SLC8A3: variants seen among roughly 807,000 people sequenced by gnomAD.
The protein encoded by SLC8A3 is sodium/calcium exchanger 3.
SLC8A3 carries 37 observed loss-of-function variants against 65.4 expected under a neutral mutation model. The ratio of observed to expected loss-of-function variants is 0.57; its 90% CI spans 0.44 to 0.74. SLC8A3 has a LOEUF of 0.74. Among genes scored for constraint, SLC8A3 ranks in the 30% least tolerant of loss-of-function variants. The probability of loss-of-function intolerance (pLI) is 0.00; values close to 1 mark genes in which losing one functional copy is unlikely to be tolerated. For synonymous variants in SLC8A3, 461 were observed against 444.5 expected (o/e 1.04, Z -0.47); for missense variants, 1,112 against 1,172.1 (o/e 0.95, Z 0.75).
intron 2 of SLC8A3, among the ~76,000 whole-genome samples, chr14:70,134,732 G>A (rs56266899): frequency 0.12 from 17,615 of 152,054 alleles, 1,222 homozygotes; most frequent in Non-Finnish European, 0.16. Context: ...TCTTCACACA[G>A]CGGTCTTTAA....
rs780891346 is a variant in SLC8A3, at chr14:70,166,839, A to G, written c.1584T>C (p.His528=). Residue 528 remains histidine, a synonymous_variant, in exon 2 of 7, where the codon CAT becomes CAC. Coordinates refer to ENST00000356921, the MANE Select transcript of SLC8A3 (RefSeq NM_182932.3). ...CACATTCAAAAGTGAAGATGCCTGC[A>G]TGGTCATCATCCAAGATGGTAACTG... is the stretch of plus-strand genomic sequence containing the variant. The part of the protein sequence containing the change: ...VATVTILDDD[H]AGIFTFECDT... 2.5e-6 allele frequency: 4 copies of G among 1,614,138 alleles called. No individual in the cohort carries two copies. The Admixed American group carries it at 5.0e-5, about 20-fold the overall frequency.
intron 2 of SLC8A3, among the ~76,000 whole-genome samples, chr14:70,064,643 A>G (rs947899754): frequency 2.0e-5 from 3 of 152,150 alleles, no homozygotes; most frequent in African/African-American, 7.2e-5. Flanking sequence ...ACTATCTCCA[A>G]ACAGGCTTCT....
intron 2 of SLC8A3, among the ~76,000 whole-genome samples, chr14:70,100,912 A>C (rs1892511196): frequency 6.6e-6 from 1 of 152,244 alleles, no homozygotes; most frequent in African/African-American, 2.4e-5. Context: ...GATAATATTC[A>C]CAATCTTCCT....
intron 2 of SLC8A3, among the ~76,000 whole-genome samples, chr14:70,117,377 G>A (rs944282661): frequency 4.6e-5 from 7 of 152,178 alleles, no homozygotes; most frequent in African/African-American, 1.7e-4. Flanking sequence ...TGTGTGACTG[G>A]CATTGTGTTC....
At chr14:70,161,320 T>TAAAAAAA (rs1555383102) in intron 2 of SLC8A3, among the ~76,000 whole-genome samples, 1 of 75,872 alleles carries the variant, frequency 1.3e-5, no homozygotes, top group Non-Finnish European at 2.9e-5. Context: ...AAAAAAAAAG[T>TAAAAAAA]CTACATAGCC....
At chr14:70,161,481 T>A (rs1380334621) in intron 2 of SLC8A3, among the ~76,000 whole-genome samples, 1 of 151,866 alleles carries the variant, frequency 6.6e-6, no homozygotes, top group Non-Finnish European at 1.5e-5. Context: ...AGTACACAGC[T>A]CCACTGAGGA....
chr14:70,071,082 C>T (rs1889967168), intron 2 of SLC8A3, among the ~76,000 whole-genome samples: 1 of 152,130 alleles, frequency 6.6e-6, no homozygotes, highest in Admixed American at 6.5e-5. Context: ...GCCTATTTTG[C>T]CACATGCTAG....
At chr14:70,052,357 G>C (rs1270090636) in intron 3 of SLC8A3, among the ~76,000 whole-genome samples, 1 of 152,156 alleles carries the variant, frequency 6.6e-6, no homozygotes, top group Non-Finnish European at 1.5e-5. Flanking sequence ...TGGACAACCT[G>C]ACCTAAACAT....
At chr14:70,163,986 C>T (rs1459430087) in intron 2 of SLC8A3, among the ~76,000 whole-genome samples, 3 of 152,144 alleles carry the variant, frequency 2.0e-5, no homozygotes, top group Non-Finnish European at 4.4e-5. Flanking sequence ...ATGCTCATTA[C>T]TTAGGGTCAC....
At chr14:70,122,429 C>G (rs1046007349) in intron 2 of SLC8A3, among the ~76,000 whole-genome samples, 6 of 152,072 alleles carry the variant, frequency 3.9e-5, no homozygotes, top group Non-Finnish European at 8.8e-5. Context: ...ATGGGGAGGG[C>G]TCTGATGAGC....
intron 1 of SLC8A3, among the ~76,000 whole-genome samples, chr14:70,185,101 G>A (rs759102876): frequency 1.3e-5 from 2 of 151,734 alleles, no homozygotes; most frequent in Non-Finnish European, 2.9e-5. Flanking sequence ...TGAGTAAGTG[G>A]GATTACAGGT....
At chr14:70,117,442 A>C (rs893542747) in intron 2 of SLC8A3, among the ~76,000 whole-genome samples, 16 of 152,336 alleles carry the variant, frequency 1.1e-4, no homozygotes, top group African/African-American at 3.6e-4. Flanking sequence ...ATGGAGCCTT[A>C]GGGCTTAGTT....
intron 2 of SLC8A3, among the ~76,000 whole-genome samples, chr14:70,166,343 G>C (rs1020404607): frequency 6.6e-6 from 1 of 152,210 alleles, no homozygotes; most frequent in African/African-American, 2.4e-5. Flanking sequence ...CAAAACTTCT[G>C]TCATCCCACA....
intron 2 of SLC8A3, among the ~76,000 whole-genome samples, chr14:70,094,289 A>ACT (rs1383383709): frequency 6.6e-5 from 10 of 152,174 alleles, no homozygotes; most frequent in African/African-American, 2.4e-4. Context: ...GCTGAGTCAG[A>ACT]CTCAGACTGT....
chr14:70,174,753 C>T (rs1044425370), intron 1 of SLC8A3, among the ~76,000 whole-genome samples: 5 of 140,998 alleles, frequency 3.5e-5, no homozygotes, highest in African/African-American at 1.1e-4. Flanking sequence ...CTTCTCCAAC[C>T]TCTGAGAGTT....
chr14:70,057,633 C>T (rs765640367), intron 3 of SLC8A3, among the ~76,000 whole-genome samples: 1 of 152,184 alleles, frequency 6.6e-6, no homozygotes, highest in Non-Finnish European at 1.5e-5. Flanking sequence ...TCAGCAAGAC[C>T]TGGGTAGGCC....
chr14:70,158,003 G>T (rs141054910), intron 2 of SLC8A3, among the ~76,000 whole-genome samples: 2 of 152,272 alleles, frequency 1.3e-5, no homozygotes, highest in African/African-American at 4.8e-5. Flanking sequence ...ATAGTGTGAA[G>T]GAAAAGACTA....
At chr14:70,058,677 G>A (rs986020395) in intron 3 of SLC8A3, among the ~76,000 whole-genome samples, 4 of 152,184 alleles carry the variant, frequency 2.6e-5, no homozygotes, top group Admixed American at 2.6e-4. Context: ...GACTTATCTT[G>A]GGTCACTCTC....
intron 1 of SLC8A3, among the ~76,000 whole-genome samples, chr14:70,174,651 GTTTTTTTTTT>G (rs1897757035): frequency 1.0e-4 from 9 of 90,374 alleles, no homozygotes; most frequent in African/African-American, 4.4e-4. Context: ...GACCAAATCC[GTTTTTTTTTT>G]GTTTTTTTTT....
Sources: gnomAD v4.1 joint callset for allele counts (sites outside exome capture counted in the v4.1 genomes callset) on GRCh38, gnomAD v4.1.1 for gene constraint, MANE v1.5 for transcripts, NCBI Gene and HGNC (gene_info 2026-07-23, HGNC 2026-07-21) for gene names.